The following PTPRA variants were observed in gnomAD, a reference collection of about 807,000 sequenced individuals.
The protein encoded by PTPRA is protein tyrosine phosphatase receptor type A, also known as receptor-type tyrosine-protein phosphatase alpha.
PTPRA carries 25 observed loss-of-function variants against 104.8 expected under a neutral mutation model. The ratio of observed to expected loss-of-function variants is 0.24; its 90% CI spans 0.17 to 0.33. The LOEUF (loss-of-function observed/expected upper bound fraction) is 0.33. Ranked by LOEUF, PTPRA falls within the 10% of genes least tolerant of loss-of-function variation. The pLI, the probability that PTPRA is intolerant of heterozygous loss-of-function variation, is 1.00. For synonymous variants in PTPRA, 323 were observed against 368.9 expected, an observed-to-expected ratio of 0.88 and a Z score of 1.43; for missense variants, 765 against 1,015.3, an observed-to-expected ratio of 0.75 and a Z score of 3.35.
intron 11 of PTPRA, among the ~76,000 whole-genome samples, chr20:3,009,928 G>T (rs1007603371): frequency 1.3e-5 from 2 of 151,390 alleles, no homozygotes; most frequent in Non-Finnish European, 2.9e-5. Context: ...GGCTTACTAC[G>T]ACCTCTGCCT....
intron 1 of PTPRA, among the ~76,000 whole-genome samples, chr20:2,874,997 T>A (rs2089618901): frequency 6.6e-6 from 1 of 152,164 alleles, no homozygotes; most frequent in African/African-American, 2.4e-5. Context: ...TCTTTTAAAG[T>A]TCTTCTCATT....
chr20:3,020,729 T>A (rs1344515429), intron 13 of PTPRA, among the ~76,000 whole-genome samples: 2 of 152,234 alleles, frequency 1.3e-5, no homozygotes, highest in African/African-American at 4.8e-5. Flanking sequence ...TGAGTCACCT[T>A]GATCCTAGGG....
chr20:2,996,148 A>T (rs922979312), intron 9 of PTPRA, among the ~76,000 whole-genome samples: 16 of 152,244 alleles, frequency 1.1e-4, no homozygotes, highest in African/African-American at 3.1e-4. Flanking sequence ...ACCTCAACTA[A>T]ATTAAGCAAA....
chr20:3,006,589 G>A (rs900949277), intron 10 of PTPRA, among the ~76,000 whole-genome samples: 1 of 152,126 alleles, frequency 6.6e-6, no homozygotes, highest in African/African-American at 2.4e-5. Context: ...AGTGAAGTAT[G>A]GAACCAAAAA....
intron 1 of PTPRA, among the ~76,000 whole-genome samples, chr20:2,910,753 C>T (rs1403139623): frequency 5.3e-5 from 8 of 149,862 alleles, no homozygotes; most frequent in Non-Finnish European, 8.9e-5. Context: ...ACTACAGGCA[C>T]CCACCACACG....
At chr20:3,006,776 C>G (rs1027185692) in intron 10 of PTPRA, among the ~76,000 whole-genome samples, 6 of 152,180 alleles carry the variant, frequency 3.9e-5, no homozygotes, top group African/African-American at 1.4e-4. Flanking sequence ...TACCTATAGG[C>G]ACATGCCACC....
Position 2,981,227 on chromosome 20 carries a change from C to T in PTPRA, c.443-5538C>T, listed in dbSNP as rs74639016. 6.2e-3 allele frequency among the ~76,000 whole-genome samples: 950 copies of T among 152,164 alleles called. 32 individuals are homozygous for T. The East Asian group carries it at 0.078, about 13-fold the overall frequency. ...AGATGATACTAAGGAATTAGTGTTA[C>T]TTTTTAAATTGGATAATAGTATTAT... On this transcript the variant is annotated intron_variant, in intron 6 of 23. Coordinates refer to ENST00000399903, the MANE Select transcript of PTPRA (RefSeq NM_001385305.1).
intron 9 of PTPRA, among the ~76,000 whole-genome samples, chr20:2,993,696 TGGAGACTTC>T (rs1368875056): frequency 6.6e-6 from 1 of 152,246 alleles, no homozygotes; most frequent in Non-Finnish European, 1.5e-5. Flanking sequence ...GCGGTTCACA[TGGAGACTTC>T]GCCTTTTGCT....
At chr20:3,004,140 C>T (rs2063753206) in intron 9 of PTPRA, among the ~76,000 whole-genome samples, 1 of 152,102 alleles carries the variant, frequency 6.6e-6, no homozygotes, top group Non-Finnish European at 1.5e-5. Context: ...GCCTCAGCCT[C>T]CTGAGTAGCT....
chr20:2,926,348 C>T (rs923498146), intron 2 of PTPRA, among the ~76,000 whole-genome samples: 2 of 152,204 alleles, frequency 1.3e-5, no homozygotes, highest in Non-Finnish European at 2.9e-5. Context: ...TGATTTTCTT[C>T]TAGCTTCTGG....
chr20:2,909,215 G>A (rs1332536449), intron 1 of PTPRA, among the ~76,000 whole-genome samples: 1 of 152,162 alleles, frequency 6.6e-6, no homozygotes, highest in African/African-American at 2.4e-5. Flanking sequence ...CTTGAGTCTG[G>A]GAGGTCGAGG....
At chr20:3,017,956 G>GCTGTT in intron 13 of PTPRA, 43 bp downstream of exon 13, 2 of 1,516,062 alleles carry the variant, frequency 1.3e-6, no homozygotes, top group Non-Finnish European at 1.8e-6. Context: ...GGATCACTCT[G>GCTGTT]CATATAAGCT....
chr20:3,035,774 C>T lies in PTPRA; in HGVS notation c.2047-16C>T, dbSNP rs201309934. The T allele has an allele frequency of 7.4e-6, 12 of 1,614,088 alleles. No homozygotes were observed. In the East Asian group the frequency reaches 1.1e-4, roughly 15 times the overall value. On this transcript the variant is annotated splice_polypyrimidine_tract_variant and intron_variant, in intron 21 of 23. Transcript: ENST00000399903. The surrounding 1 kb of genome is among the most constrained non-coding windows in gnomAD (Gnocchi z 5.8). ...GCAGGGTTACCCCTGCCTCCCTGAT[C>T]CCCTTTTTTCCAAAGGAGAATAAGA...
At chr20:2,989,966 G>C (rs977585847) in intron 9 of PTPRA, among the ~76,000 whole-genome samples, 2 of 152,124 alleles carry the variant, frequency 1.3e-5, no homozygotes, top group Non-Finnish European at 2.9e-5. Context: ...GCAGTGAGCC[G>C]AGATCATGCT....
At chr20:2,996,008 T>G (rs1307142500) in intron 9 of PTPRA, among the ~76,000 whole-genome samples, 1 of 152,194 alleles carries the variant, frequency 6.6e-6, no homozygotes, top group African/African-American at 2.4e-5. Flanking sequence ...CAATTGGTTG[T>G]CAGTTTCTTT....
intron 1 of PTPRA, among the ~76,000 whole-genome samples, chr20:2,910,191 T>G (rs1160030391): frequency 2.0e-5 from 2 of 99,274 alleles, no homozygotes; most frequent in Non-Finnish European, 3.9e-5. Context: ...ATATATGATA[T>G]ATGATATATA....
rs1029954864 is a variant in PTPRA, at chr20:2,960,076, T to C, written c.-6-4196T>C. 5.0e-4 allele frequency among the ~76,000 whole-genome samples: 76 copies of C among 152,192 alleles called. 2 individuals are homozygous for C. Among genetic ancestry groups the C allele is most frequent in the Non-Finnish European group, 7.1e-4 (48 of 68,036 alleles). On this transcript the variant is annotated intron_variant, in intron 3 of 23. Coordinates refer to ENST00000399903, the MANE Select transcript of PTPRA (RefSeq NM_001385305.1). ...CTTTGTTGCAATTGATGGACCAACATTGACTCCTCATTATCACCCAAGCTT... is the reference window on the plus strand; with the variant it reads ...CTTTGTTGCAATTGATGGACCAACACTGACTCCTCATTATCACCCAAGCTT...
chr20:2,939,833 G>A (rs1194666390), intron 2 of PTPRA, among the ~76,000 whole-genome samples: 2 of 152,272 alleles, frequency 1.3e-5, no homozygotes, highest in East Asian at 1.9e-4. Context: ...AGGGCTGGGC[G>A]CGGTGGCTGA....
intron 17 of PTPRA, among the ~76,000 whole-genome samples, chr20:3,025,571 T>C (rs2065095483): frequency 6.6e-6 from 1 of 151,778 alleles, no homozygotes; most frequent in South Asian, 2.1e-4. Context: ...TTTGGGATCC[T>C]GTCAAGATGT....
Sources: allele counts gnomAD v4.1 joint callset (sites outside exome capture counted in the v4.1 genomes callset), GRCh38; gene constraint gnomAD v4.1.1; non-coding constraint Gnocchi (gnomAD v3.1); transcripts MANE v1.5; gene names NCBI Gene and HGNC (gene_info 2026-07-23, HGNC 2026-07-21).